The following TUSC3 variants were observed in gnomAD, a reference collection of about 807,000 sequenced individuals.
TUSC3 encodes tumor suppressor candidate 3.
In TUSC3, 45 loss-of-function variants were observed where a neutral mutation model predicts 44.8. The ratio of observed to expected loss-of-function variants is 1.00; its 90% CI spans 0.79 to 1.29. The LOEUF (loss-of-function observed/expected upper bound fraction) is 1.29. TUSC3 is among the 50% of genes most tolerant of loss of function. The pLI, the probability that TUSC3 is intolerant of heterozygous loss-of-function variation, is 0.00. For synonymous variants in TUSC3, 212 were observed against 152.9 expected (o/e 1.39, Z -2.85); for missense variants, 519 against 437.9 (o/e 1.19, Z -1.65).
chr8:15,491,644 T>G (rs1495084), intron 2 of TUSC3, among the ~76,000 whole-genome samples: 17,064 of 152,174 alleles, frequency 0.11, 1,063 homozygotes, highest in South Asian at 0.24. Flanking sequence ...AACCCTTCTG[T>G]GCAATATTCT....
chr8:15,598,618 T>C (rs2129153611), intron 1 of TUSC3, among the ~76,000 whole-genome samples: 1 of 151,966 alleles, frequency 6.6e-6, no homozygotes, highest in Non-Finnish European at 1.5e-5. Context: ...GTCTCCACCC[T>C]CTGGCAACCA....
At chr8:15,850,874 ACCT>A in the TUSC3 span, among the ~76,000 whole-genome samples, 1 of 151,924 alleles carries the variant, frequency 6.6e-6, no homozygotes, top group Non-Finnish European at 1.5e-5. Context: ...ATGAGTTGAA[ACCT>A]CCTTCGAATT....
At chr8:15,690,269 G>C (rs928717867) in intron 6 of TUSC3, among the ~76,000 whole-genome samples, 1 of 151,982 alleles carries the variant, frequency 6.6e-6, no homozygotes, top group Non-Finnish European at 1.5e-5. Context: ...TAACGCTGTT[G>C]AGCATTTCTT....
chr8:15,738,833 T>TTTTTCTTTC (rs1222970660), intron 7 of TUSC3, among the ~76,000 whole-genome samples: 2,794 of 126,770 alleles, frequency 0.022, 292 homozygotes, highest in African/African-American at 0.076. Context: ...CTTGCTTTTT[T>TTTTTCTTTC]TTTTTTTTTT....
chr8:15,470,226 T>C (rs1238150011), intron 1 of TUSC3, among the ~76,000 whole-genome samples: 1 of 143,940 alleles, frequency 6.9e-6, no homozygotes, highest in African/African-American at 2.6e-5. Context: ...ACCACTACAC[T>C]CCAGCCTGGG....
intron 1 of TUSC3, among the ~76,000 whole-genome samples, chr8:15,569,953 A>G (rs1053412797): frequency 6.6e-6 from 1 of 152,092 alleles, no homozygotes; most frequent in Non-Finnish European, 1.5e-5. Context: ...CAGTCACTTC[A>G]TCGCTTAAGA....
intron 7 of TUSC3, 145 bp downstream of exon 7, chr8:15,730,874 A>G: frequency 2.8e-6 from 2 of 718,944 alleles, no homozygotes; most frequent in South Asian, 1.8e-5. Context: ...TTTATTTTTT[A>G]TGCTAATTAT....
At chr8:15,486,203 A>G (rs116353864) in intron 2 of TUSC3, among the ~76,000 whole-genome samples, 2,429 of 152,274 alleles carry the variant, frequency 0.016, 58 homozygotes, top group African/African-American at 0.055. Flanking sequence ...TTTGTTATTT[A>G]TGCAGCTATT....
intron 1 of TUSC3, among the ~76,000 whole-genome samples, chr8:15,479,913 G>T (rs1800635644): frequency 6.6e-6 from 1 of 152,178 alleles, no homozygotes; most frequent in South Asian, 2.1e-4. Context: ...CATAGTCTCA[G>T]CCTAAAAGCT....
intron 6 of TUSC3, among the ~76,000 whole-genome samples, chr8:15,716,013 T>C (rs1305882366): frequency 2.6e-5 from 4 of 152,082 alleles, no homozygotes; most frequent in Admixed American, 2.0e-4. Flanking sequence ...CCCAGCACTT[T>C]TGGAGGCCAC....
At position 15,696,531 on chromosome 8, in the gene TUSC3, C is replaced by T. The variant is rs748240338; in HGVS notation, c.798+22695C>T. ...CAGAGTCCCTGCTGGGACACCGCCT[C>T]GTAGAGATGTGAGAAGAGGGCCACC... On this transcript the variant is annotated intron_variant, in intron 6 of 10. Coordinates refer to ENST00000503731, the MANE Select transcript of TUSC3 (RefSeq NM_006765.4). 4.1e-4 allele frequency among the ~76,000 whole-genome samples: 63 copies of T among 152,196 alleles called. 1 individual carries two copies. The Middle Eastern group carries it at 0.02, about 49-fold the overall frequency.
chr8:15,733,516 G>A lies in TUSC3; in HGVS notation c.862+2787G>A, dbSNP rs377683524. ...TATTGTATGGCAGGAATTCTCCAAGGTTTAATTTCATGGATCATTGACATC... is the reference window on the plus strand; with the variant it reads ...TATTGTATGGCAGGAATTCTCCAAGATTTAATTTCATGGATCATTGACATC... On this transcript the variant is annotated intron_variant, in intron 7 of 10. Transcript: ENST00000503731. 2.1e-3 allele frequency: 561 copies of A among 273,102 alleles called. 4 individuals carry two copies. Among genetic ancestry groups the A allele is most frequent in the African/African-American group, 0.012 (537 of 43,636 alleles). The allele number at this position is 273,102 out of a possible 1,614,324, so 16.9% of individuals were successfully genotyped here. A position where few individuals can be genotyped will look rare whatever the true frequency, so the allele number is the denominator to read the frequency against.
chr8:15,437,454 T>G (rs1283105881), intron 1 of TUSC3, among the ~76,000 whole-genome samples: 1 of 152,226 alleles, frequency 6.6e-6, no homozygotes, highest in Non-Finnish European at 1.5e-5. Context: ...GTGGCTGTTA[T>G]AAGTGCTTAG....
At chr8:15,788,299 C>A in the TUSC3 span, among the ~76,000 whole-genome samples, 2 of 152,192 alleles carry the variant, frequency 1.3e-5, no homozygotes, top group South Asian at 4.1e-4. Context: ...GTAATCCCAG[C>A]ACTTGAAGAG....
At chr8:15,587,457 A>T (rs531333945) in intron 1 of TUSC3, among the ~76,000 whole-genome samples, 1 of 152,152 alleles carries the variant, frequency 6.6e-6, no homozygotes, top group Non-Finnish European at 1.5e-5. Context: ...TAATAACTGT[A>T]TATATTTATG....
chr8:15,546,542 T>C (rs956580653), intron 1 of TUSC3, among the ~76,000 whole-genome samples: 6 of 151,676 alleles, frequency 4.0e-5, no homozygotes, highest in African/African-American at 1.2e-4. Flanking sequence ...ATTTTTTCTT[T>C]TTTCTTTTGG....
chr8:15,776,656 A>G, the TUSC3 span, among the ~76,000 whole-genome samples: 1 of 152,192 alleles, frequency 6.6e-6, no homozygotes, highest in Non-Finnish European at 1.5e-5. Context: ...TGAAATTTAT[A>G]GTAATATTTT....
At chr8:15,424,650 G>T (rs1799781906) in intron 1 of TUSC3, among the ~76,000 whole-genome samples, 1 of 152,192 alleles carries the variant, frequency 6.6e-6, no homozygotes. Flanking sequence ...GGAGGCCGAG[G>T]TGGATGGATC....
the TUSC3 span, among the ~76,000 whole-genome samples, chr8:15,830,671 T>C: frequency 6.6e-6 from 1 of 152,128 alleles, no homozygotes; most frequent in Non-Finnish European, 1.5e-5. Context: ...GAAAATTAAA[T>C]ACTGCATACT....
Sources: gnomAD v4.1 joint callset for allele counts (sites outside exome capture counted in the v4.1 genomes callset) on GRCh38, gnomAD v4.1.1 for gene constraint, MANE v1.5 for transcripts, NCBI Gene and HGNC (gene_info 2026-07-23, HGNC 2026-07-21) for gene names.